The following PPM1H variants were observed in gnomAD, a reference collection of about 807,000 sequenced individuals.
PPM1H encodes protein phosphatase, Mg2+/Mn2+ dependent 1H, also known as protein phosphatase 1H.
Under a neutral mutation model 54.9 loss-of-function variants are expected in PPM1H, and 27 were observed. That is an observed-to-expected ratio of 0.49 (90% CI 0.36 to 0.68). The LOEUF is 0.68. PPM1H is among the 30% of genes least tolerant of loss of function. The probability of loss-of-function intolerance (pLI) is 0.00; values close to 1 mark genes in which losing one functional copy is unlikely to be tolerated. For missense variants in PPM1H, 596 were observed against 667.8 expected, an observed-to-expected ratio of 0.89 and a Z score of 1.19; for synonymous variants, 305 against 270.8, an observed-to-expected ratio of 1.13 and a Z score of -1.24.
intron 3 of PPM1H, among the ~76,000 whole-genome samples, chr12:62,788,830 A>T (rs2076688132): frequency 1.3e-5 from 2 of 149,484 alleles, no homozygotes; most frequent in Admixed American, 6.7e-5. Context: ...GGCTCAAGCA[A>T]TCCTCCCACC....
chr12:62,663,974 A>C (rs1257651520), intron 9 of PPM1H, among the ~76,000 whole-genome samples: 1 of 145,630 alleles, frequency 6.9e-6, no homozygotes, highest in Non-Finnish European at 1.5e-5. Context: ...CCTGGGCAAC[A>C]AGAGCGAAAC....
In PPM1H at chr12:62,714,517, G is replaced by A. The variant is rs564981952; in HGVS notation, c.1073+5654C>T. 6.6e-5 allele frequency among the ~76,000 whole-genome samples: 10 copies of A among 152,222 alleles called. 1 individual carries two copies. The South Asian group carries it at 2.1e-3, about 32-fold the overall frequency. ...GCCATCTCTGGAATCTTTCTAATGG[G>A]ATCTGTCTTTTCCAGCAGCTCTAAA... On this transcript the variant is annotated intron_variant, in intron 6 of 9. Transcript: ENST00000228705.
chr12:62,721,214 C>T (rs949215191), intron 5 of PPM1H, among the ~76,000 whole-genome samples: 1 of 152,200 alleles, frequency 6.6e-6, no homozygotes, highest in African/African-American at 2.4e-5. Context: ...GCATCTCTTA[C>T]AGCTACTTTG....
chr12:62,747,388 G>A (rs898435422), intron 4 of PPM1H, among the ~76,000 whole-genome samples: 4 of 151,994 alleles, frequency 2.6e-5, no homozygotes, highest in Non-Finnish European at 5.9e-5. Flanking sequence ...CACCCGCCTC[G>A]GCCTCCCAAA....
intron 5 of PPM1H, among the ~76,000 whole-genome samples, chr12:62,723,031 C>T (rs2076272051): frequency 6.6e-6 from 1 of 152,142 alleles, no homozygotes; most frequent in African/African-American, 2.4e-5. Flanking sequence ...CTGATCAGAG[C>T]TTAGCCTGGC....
chr12:62,864,998 A>G (rs761117351), intron 1 of PPM1H, among the ~76,000 whole-genome samples: 2 of 152,230 alleles, frequency 1.3e-5, no homozygotes, highest in Admixed American at 6.5e-5. Flanking sequence ...ACTGCCAATA[A>G]TACTTAAATG....
intron 9 of PPM1H, among the ~76,000 whole-genome samples, chr12:62,665,767 T>A (rs390319): frequency 0.33 from 49,633 of 151,832 alleles, 9,758 homozygotes; most frequent in Middle Eastern, 0.56. Context: ...GACGGAGTCT[T>A]GCTCTGCTGC....
intron 9 of PPM1H, among the ~76,000 whole-genome samples, chr12:62,663,093 T>A (rs1357412194): frequency 6.6e-6 from 1 of 152,112 alleles, no homozygotes; most frequent in Non-Finnish European, 1.5e-5. Flanking sequence ...CTATAAAGTA[T>A]CCCAATATTT....
At chr12:62,811,847 A>C (rs1467441640) in intron 2 of PPM1H, among the ~76,000 whole-genome samples, 1 of 152,192 alleles carries the variant, frequency 6.6e-6, no homozygotes, top group Non-Finnish European at 1.5e-5. Context: ...TCTTTCCTTT[A>C]TAAATCACCC....
chr12:62,793,722 AAGAG>A (rs1291363054), intron 3 of PPM1H, among the ~76,000 whole-genome samples: 1 of 144,952 alleles, frequency 6.9e-6, no homozygotes, highest in African/African-American at 2.6e-5. Flanking sequence ...CCTGGGCAAC[AAGAG>A]AGAAACTCCG....
At position 62,842,805 on chromosome 12, in the gene PPM1H, C is replaced by T. The variant is rs188319765; in HGVS notation, c.246-10526G>A. 9.8e-5 allele frequency among the ~76,000 whole-genome samples: 15 copies of T among 152,304 alleles called. No individual in the cohort carries two copies. The East Asian group carries it at 2.9e-3, about 29-fold the overall frequency. The stretch of plus-strand genomic sequence containing the variant: ...AGGGGCAGGTAGACAGGTTTTTTCT[C>T]TGCTAGAAATTGGAGACGCAGTCTC... On this transcript the variant is annotated intron_variant, in intron 1 of 9. Transcript: ENST00000228705.
chr12:62,659,341 T>C (rs1007559443), intron 9 of PPM1H: 4 of 452,262 alleles, frequency 8.8e-6, no homozygotes, highest in Admixed American at 3.7e-5. Flanking sequence ...AAGCCGCCTT[T>C]TAATTTTCTG....
intron 2 of PPM1H, among the ~76,000 whole-genome samples, chr12:62,812,170 A>T (rs1006763556): frequency 4.6e-5 from 7 of 152,106 alleles, no homozygotes; most frequent in African/African-American, 1.7e-4. Context: ...TAATTTGTTT[A>T]TTGCTTACTA....
chr12:62,648,889 C>T (rs2075800818), intron 9 of PPM1H, among the ~76,000 whole-genome samples: 1 of 152,184 alleles, frequency 6.6e-6, no homozygotes, highest in African/African-American at 2.4e-5. Flanking sequence ...CCTCAGTCCT[C>T]TTTTGATGTT....
rs557960982 is a variant in PPM1H, at chr12:62,830,365, T to C, written c.411+1749A>G. On this transcript the variant is annotated intron_variant, in intron 2 of 9. Coordinates refer to ENST00000228705, the MANE Select transcript of PPM1H (RefSeq NM_020700.2). ...CTGCCTCCTGGGTTCACGCCATTCTTCTGCCTCAGCCTCCTGAGTAGCTGG... is the reference window on the plus strand; with the variant it reads ...CTGCCTCCTGGGTTCACGCCATTCTCCTGCCTCAGCCTCCTGAGTAGCTGG... 9.8e-4 allele frequency among the ~76,000 whole-genome samples: 149 copies of C among 151,660 alleles called. 1 individual carries two copies. The highest frequency in any genetic ancestry group is 1.7e-3 in the Non-Finnish European group (112 of 67,782).
chr12:62,648,011 C>T lies in PPM1H; in HGVS notation c.*478G>A, dbSNP rs1052410388. 6 of 152,356 alleles carry T rather than the reference C, an allele frequency of 3.9e-5. No homozygotes were observed. Among genetic ancestry groups the T allele is most frequent in the African/African-American group, 1.5e-4 (6 of 41,376 alleles). The allele number at this position is 152,356 out of a possible 1,614,324, so 9.4% of individuals were successfully genotyped here. A position where few individuals can be genotyped will look rare whatever the true frequency, so the allele number is the denominator to read the frequency against. On this transcript the variant is annotated 3_prime_UTR_variant, in exon 10 of 10. Coordinates refer to ENST00000228705, the MANE Select transcript of PPM1H (RefSeq NM_020700.2). ...GGGGGCGGGGGGCAGACGGCAATCC[C>T]TGAAATAAACCTCAGGCTTCCTAGA...
At chr12:62,802,205 T>A in intron 2 of PPM1H, 45 bp from the exon 3 acceptor site, 1 of 1,465,266 alleles carries the variant, frequency 6.8e-7, no homozygotes, top group Non-Finnish European at 9.1e-7. Flanking sequence ...GCTGTGGACT[T>A]TGCCTCAGGG....
chr12:62,727,637 A>ATTAT (rs2076297139), intron 5 of PPM1H, among the ~76,000 whole-genome samples: 6 of 139,808 alleles, frequency 4.3e-5, no homozygotes, highest in South Asian at 2.4e-4. Flanking sequence ...TAAAATGCAA[A>ATTAT]TATTATTATT....
rs1478241435 is a variant in PPM1H, at chr12:62,796,768, C to T, written c.756+5048G>A. Among the ~76,000 whole-genome samples the T allele has an allele frequency of 3.3e-5, 5 of 152,170 alleles. No individual in the cohort carries two copies. In the East Asian group the frequency reaches 5.8e-4, roughly 18 times the overall value. ...GGTTGAGGATGCGTGCACCCGTGTG[C>T]GCGCACACACACACACAAATTATTG... On this transcript the variant is annotated intron_variant, in intron 3 of 9. Transcript: ENST00000228705.
Sources: allele counts gnomAD v4.1 joint callset (sites outside exome capture counted in the v4.1 genomes callset), GRCh38; gene constraint gnomAD v4.1.1; transcripts MANE v1.5; gene names NCBI Gene and HGNC (gene_info 2026-07-23, HGNC 2026-07-21).